PPM1F: variants seen among roughly 807,000 people sequenced by gnomAD.
PPM1F encodes the protein protein phosphatase 1F.
PPM1F carries 17 observed loss-of-function variants against 35.5 expected under a neutral mutation model. The ratio of observed to expected loss-of-function variants is 0.48; its 90% CI spans 0.33 to 0.72. PPM1F has a LOEUF of 0.72. Among genes scored for constraint, PPM1F ranks in the 30% least tolerant of loss-of-function variants. The probability of loss-of-function intolerance (pLI) is 0.02; values close to 1 mark genes in which losing one functional copy is unlikely to be tolerated. For missense variants in PPM1F, 521 were observed against 613.0 expected, an observed-to-expected ratio of 0.85 and a Z score of 1.59; for synonymous variants, 241 against 255.5, an observed-to-expected ratio of 0.94 and a Z score of 0.54.
chr22:21,923,264 C>A lies in PPM1F; in HGVS notation c.1193G>T (p.Arg398Leu). The A allele has an allele frequency of 6.2e-7, 1 of 1,613,394 alleles. No homozygotes were observed. The highest frequency in any genetic ancestry group is 8.5e-7 in the Non-Finnish European group (1 of 1,179,950). Residue 398 changes from arginine (R) to leucine (L), a missense_variant, in exon 8 of 8, where the codon CGG (arginine) becomes CTG (leucine). Physicochemically the swap from Arg to Leu is moderately radical, Grantham distance 102. Transcript: ENST00000263212. Reference sequence around the variant, plus strand: ...GATGTTGTCGTGGGAGCCCCGCTCCCGGGCCGCAGCCACCAGCTCCTCGGC... The same window carrying A: ...GATGTTGTCGTGGGAGCCCCGCTCCAGGGCCGCAGCCACCAGCTCCTCGGC... ...RVAEELVAAA[R>L]ERGSHDNITV...
intron 1 of PPM1F, chr22:21,949,432 C>G (rs550020601): frequency 2.0e-5 from 3 of 152,332 alleles, no homozygotes; most frequent in Admixed American, 6.5e-5. Context: ...ATGGCACACC[C>G]GGCAGGAAGG....
At chr22:21,926,928 G>A (rs1170346408) in intron 6 of PPM1F, among the ~76,000 whole-genome samples, 1 of 152,202 alleles carries the variant, frequency 6.6e-6, no homozygotes, top group Admixed American at 6.5e-5. Flanking sequence ...CTGCACCAAG[G>A]ACCAGGCCTC....
In PPM1F at chr22:21,923,032, C is replaced by G. The variant is rs191405820; in HGVS notation, c.*60G>C. 2.5e-4 allele frequency: 377 copies of G among 1,536,650 alleles called. No individual in the cohort carries two copies. In the African/African-American group the frequency reaches 4.2e-3, roughly 17 times the overall value. Reference sequence around the variant, plus strand: ...GCCTGCCACCTGTTGGGTCCTGAGGCTTCTGAGGGAGAGAAGGACAAGGAT... The same window carrying G: ...GCCTGCCACCTGTTGGGTCCTGAGGGTTCTGAGGGAGAGAAGGACAAGGAT... On this transcript the variant is annotated 3_prime_UTR_variant, in exon 8 of 8. Coordinates refer to ENST00000263212, the MANE Select transcript of PPM1F (RefSeq NM_014634.4).
At chr22:21,951,721 TTG>T (rs2070840951) in intron 1 of PPM1F, 1 of 152,166 alleles carries the variant, frequency 6.6e-6, no homozygotes. Flanking sequence ...TGCATTCGTT[TTG>T]TTTACCTCTC....
intron 7 of PPM1F, among the ~76,000 whole-genome samples, chr22:21,924,169 G>C (rs529150569): frequency 6.6e-6 from 1 of 152,166 alleles, no homozygotes; most frequent in East Asian, 1.9e-4. Context: ...GGGAGGGAGA[G>C]ATTTTCTAAG....
At chr22:21,938,046 A>G in intron 3 of PPM1F, 1 of 1,215,320 alleles carries the variant, frequency 8.2e-7, no homozygotes, top group African/African-American at 1.6e-5. Context: ...GAGCATGATC[A>G]AGGCCGCTAG....
chr22:21,919,720 G>A lies in PPM1F; in HGVS notation c.*3372C>T, dbSNP rs2070425354. The A allele has an allele frequency of 6.6e-6, 1 of 152,342 alleles. No individual in the cohort carries two copies. Among genetic ancestry groups the A allele is most frequent in the Non-Finnish European group, 1.5e-5 (1 of 68,118 alleles). 9.4% of individuals were successfully genotyped at this position (152,342 alleles called of 1,614,324 possible). A position where few individuals can be genotyped will look rare whatever the true frequency, so the allele number is the denominator to read the frequency against. On this transcript the variant is annotated 3_prime_UTR_variant, in exon 8 of 8. Transcript: ENST00000263212. The stretch of plus-strand genomic sequence containing the variant: ...TGGGGGCTGCCCCCCTTGAGCTACA[G>A]AGGCAGAATCGAACCAAAAACACTG...
At chr22:21,930,110 C>T (rs138125657) in intron 6 of PPM1F, among the ~76,000 whole-genome samples, 176 of 152,362 alleles carry the variant, frequency 1.2e-3, no homozygotes, top group African/African-American at 4.0e-3. Context: ...AAATGATCTT[C>T]AGCTTTTGAA....
chr22:21,924,368 G>A (rs2070485335), intron 7 of PPM1F, among the ~76,000 whole-genome samples: 1 of 151,414 alleles, frequency 6.6e-6, no homozygotes, highest in South Asian at 2.1e-4. Flanking sequence ...CCAGGGTTCA[G>A]GTGATCCTGC....
chr22:21,927,884 C>G (rs2070535048), intron 6 of PPM1F, among the ~76,000 whole-genome samples: 1 of 147,720 alleles, frequency 6.8e-6, no homozygotes, highest in South Asian at 2.1e-4. Flanking sequence ...GCTAAGGGGT[C>G]TTGTCCCATT....
intron 6 of PPM1F, among the ~76,000 whole-genome samples, chr22:21,930,546 G>A (rs1455378213): frequency 6.6e-6 from 1 of 152,236 alleles, no homozygotes; most frequent in African/African-American, 2.4e-5. Flanking sequence ...TATCCACCAT[G>A]TGCATGGTTA....
At chr22:21,932,922 G>C (rs2070609793) in intron 5 of PPM1F, 1 of 152,926 alleles carries the variant, frequency 6.5e-6, no homozygotes, top group Non-Finnish European at 1.5e-5. Flanking sequence ...GCAAATACCT[G>C]GGGAGGATGC....
At chr22:21,923,816 T>A (rs2070477598) in intron 7 of PPM1F, among the ~76,000 whole-genome samples, 1 of 151,816 alleles carries the variant, frequency 6.6e-6, no homozygotes, top group South Asian at 2.1e-4. Context: ...TAGCTGGGAT[T>A]ACAGGCTCGC....
At chr22:21,944,966 G>C (rs2070762542) in intron 2 of PPM1F, 1 of 152,278 alleles carries the variant, frequency 6.6e-6, no homozygotes, top group African/African-American at 2.4e-5. Context: ...TCAGATCGTG[G>C]TGGCTGGGGT....
intron 5 of PPM1F, 86 bp downstream of exon 5, chr22:21,933,305 A>C (rs1265766730): frequency 2.3e-6 from 3 of 1,281,680 alleles, no homozygotes; most frequent in Admixed American, 2.2e-5. Flanking sequence ...CAGCACCACC[A>C]GCCCCTTTGG....
At position 21,931,295 on chromosome 22, in the gene PPM1F, C is replaced by T. The variant is rs2070586821; in HGVS notation, c.748-4G>A. 1 of 1,611,064 alleles carries T rather than the reference C, an allele frequency of 6.2e-7. No individual in the cohort carries two copies. The highest frequency in any genetic ancestry group is 1.3e-5 in the African/African-American group (1 of 74,902). ...CTGTGGTGCCGCTCTGCAGCCGCTG[C>T]AGGGAGAGAGGGCCCATGAGAGTTG... is the stretch of plus-strand genomic sequence containing the variant. On this transcript the variant is annotated splice_region_variant and splice_polypyrimidine_tract_variant and intron_variant, in intron 5 of 7. Transcript: ENST00000263212.
At chr22:21,937,839 G>A in intron 3 of PPM1F, 1 of 294,316 alleles carries the variant, frequency 3.4e-6, no homozygotes, top group Non-Finnish European at 6.7e-6. Context: ...GCCAAGGGCT[G>A]CAGCCCCGCA....
intron 1 of PPM1F, chr22:21,947,334 C>T (rs1254240767): frequency 1.3e-5 from 2 of 152,522 alleles, no homozygotes; most frequent in East Asian, 1.9e-4. Flanking sequence ...TCTCTCCTGC[C>T]CCCTTCCTCT....
Position 21,923,317 on chromosome 22 carries a change from G to A in PPM1F, c.1140C>T (p.Thr380=), listed in dbSNP as rs1396013580. The A allele has an allele frequency of 6.2e-7, 1 of 1,613,532 alleles. No individual in the cohort carries two copies. Among genetic ancestry groups the A allele is most frequent in the East Asian group, 2.2e-5 (1 of 44,898 alleles). ...CACGGAGCCCGCTGCCCTGCTGCCT[G>A]GTCAGGTGGCTCTGGACCAGGCCAA... ...EVVGLVQSHL[T]RQQGSGLRVA... The change falls in exon 8 of 8, where the codon ACC becomes ACT. Residue 380 remains threonine (T), a synonymous_variant. Transcript: ENST00000263212.
Sources: allele counts gnomAD v4.1 joint callset (sites outside exome capture counted in the v4.1 genomes callset), GRCh38; gene constraint gnomAD v4.1.1; transcripts MANE v1.5; gene names NCBI Gene and HGNC (gene_info 2026-07-23, HGNC 2026-07-21).